Variants in DDX19B observed in about 807,000 individuals in gnomAD.
The protein encoded by DDX19B is ATP-dependent RNA helicase DDX19B.
A neutral mutation model predicts 58.1 loss-of-function variants in DDX19B; 27 were observed. That is an observed-to-expected ratio of 0.46 (90% CI 0.34 to 0.64). DDX19B has a LOEUF of 0.64. DDX19B is among the 30% of genes least tolerant of loss of function. The pLI is 0.01. For synonymous variants in DDX19B, 187 were observed against 214.4 expected (o/e 0.87, Z 1.12); for missense variants, 399 against 596.5 (o/e 0.67, Z 3.45).
At chr16:70,295,115 C>G, upstream of DDX19B, 1 of 1,227,342 alleles carries the variant, frequency 8.1e-7, no homozygotes, top group Non-Finnish European at 1.0e-6. Flanking sequence ...GCTAGGCTCA[C>G]GTGGGAATAA....
chr16:70,309,611 A>G (rs923133754), intron 1 of DDX19B, among the ~76,000 whole-genome samples: 3 of 151,546 alleles, frequency 2.0e-5, no homozygotes, highest in African/African-American at 7.3e-5. Context: ...CGAGGTCGAG[A>G]GTTCGAGACC....
Position 70,334,047 on chromosome 16 carries a change from T to G in DDX19B, c.*465T>G, listed in dbSNP as rs906185595. ...AGGTGTGTAAGCCCAGCCATCATGT[T>G]TGGAATGGCATGAGGCAGCAGAGGA... On this transcript the variant is annotated 3_prime_UTR_variant, in exon 12 of 12. Transcript: ENST00000288071. The G allele has an allele frequency of 1.0e-5, 2 of 194,052 alleles. No homozygotes were observed. Among genetic ancestry groups the G allele is most frequent in the African/African-American group, 4.7e-5 (2 of 42,206 alleles). The allele number at this position is 194,052 out of a possible 1,614,324, so 12.0% of individuals were successfully genotyped here. A position where few individuals can be genotyped will look rare whatever the true frequency, so the allele number is the denominator to read the frequency against.
Position 70,329,272 on chromosome 16 carries a change from A to T in DDX19B, c.608-20A>T. ...AGAAAGAAATACCCACACATGGAAA[A>T]CATCTTGGGGTCTCCACAGTGGAAA... On this transcript the variant is annotated intron_variant, in intron 7 of 11. Coordinates refer to ENST00000288071, the MANE Select transcript of DDX19B (RefSeq NM_007242.7). The T allele has an allele frequency of 6.2e-7, 1 of 1,610,058 alleles. No individual in the cohort carries two copies. The highest frequency in any genetic ancestry group is 1.1e-5 in the South Asian group (1 of 90,972).
upstream of DDX19B, among the ~76,000 whole-genome samples, chr16:70,297,508 CG>C (rs1961271370): frequency 6.6e-6 from 1 of 152,096 alleles, no homozygotes; most frequent in African/African-American, 2.4e-5. Flanking sequence ...CCATTGTGCC[CG>C]GCCTCATGGC....
intron 1 of DDX19B, among the ~76,000 whole-genome samples, chr16:70,302,013 T>C (rs1243090509): frequency 6.6e-6 from 1 of 152,012 alleles, no homozygotes; most frequent in Non-Finnish European, 1.5e-5. Context: ...CTCTGCTTCT[T>C]GAGTTCAAGC....
intron 1 of DDX19B, among the ~76,000 whole-genome samples, chr16:70,306,344 G>A (rs898209276): frequency 1.3e-5 from 2 of 151,924 alleles, no homozygotes; most frequent in Non-Finnish European, 2.9e-5. Flanking sequence ...TAGACATAGG[G>A]TTTCACCATG....
intron 2 of DDX19B, among the ~76,000 whole-genome samples, chr16:70,314,642 C>T (rs1001453023): frequency 7.9e-5 from 12 of 151,466 alleles, no homozygotes; most frequent in African/African-American, 1.5e-4. Context: ...CCAGCCTGGG[C>T]GACAGAGCGA....
At chr16:70,304,563 G>C (rs1961660148) in intron 1 of DDX19B, among the ~76,000 whole-genome samples, 1 of 151,564 alleles carries the variant, frequency 6.6e-6, no homozygotes, top group Admixed American at 6.6e-5. Flanking sequence ...AGTAGAGACA[G>C]GGTTTCACCA....
At chr16:70,311,003 C>G (rs1276266577) in intron 1 of DDX19B, among the ~76,000 whole-genome samples, 1 of 148,486 alleles carries the variant, frequency 6.7e-6, no homozygotes, top group Non-Finnish European at 1.5e-5. Flanking sequence ...TGCACTCCAG[C>G]CTGGGCAACA....
upstream of DDX19B, among the ~76,000 whole-genome samples, chr16:70,291,901 A>G (rs1347402539): frequency 2.0e-5 from 3 of 151,680 alleles, no homozygotes; most frequent in Non-Finnish European, 4.4e-5. Flanking sequence ...TAATCCCAAC[A>G]CTTTGGGAGG....
chr16:70,303,086 T>C (rs1015170441), intron 1 of DDX19B, among the ~76,000 whole-genome samples: 4 of 152,226 alleles, frequency 2.6e-5, no homozygotes, highest in African/African-American at 9.6e-5. Context: ...TGTTTTTGTT[T>C]TTAGTTGGGA....
At chr16:70,292,366 T>C (rs1315414548), upstream of DDX19B, among the ~76,000 whole-genome samples, 2 of 152,154 alleles carry the variant, frequency 1.3e-5, no homozygotes, top group African/African-American at 4.8e-5. Flanking sequence ...AGGCTGGTCT[T>C]GAACTCCCGA....
intron 2 of DDX19B, among the ~76,000 whole-genome samples, chr16:70,313,008 A>C (rs369739557): frequency 8.3e-5 from 12 of 145,072 alleles, no homozygotes; most frequent in African/African-American, 3.1e-4. Context: ...ACGCCCAACT[A>C]ATTTTTATTT....
intron 1 of DDX19B, among the ~76,000 whole-genome samples, chr16:70,301,696 C>CTTT (rs75159803): frequency 2.9e-5 from 4 of 136,656 alleles, no homozygotes; most frequent in African/African-American, 1.1e-4. Context: ...CTCTCTCTCT[C>CTTT]TTTTTTTTTT....
upstream of DDX19B, among the ~76,000 whole-genome samples, chr16:70,297,860 G>A (rs1961284711): frequency 6.6e-6 from 1 of 152,094 alleles, no homozygotes; most frequent in Non-Finnish European, 1.5e-5. Context: ...AGCTGGAACT[G>A]CAGGCATGTG....
At chr16:70,294,977 G>A (rs565583380), upstream of DDX19B, 149 of 1,439,964 alleles carry the variant, frequency 1.0e-4, 1 homozygote, top group Admixed American at 6.2e-4. Flanking sequence ...TGCCTTCCTC[G>A]CCCCTACTCC....
At chr16:70,330,513 G>A (rs1202903244) in intron 9 of DDX19B, among the ~76,000 whole-genome samples, 6 of 152,080 alleles carry the variant, frequency 3.9e-5, no homozygotes, top group South Asian at 2.1e-4. Context: ...GCTTGAACCC[G>A]GGAGGTGGAG....
At chr16:70,317,699 G>C in intron 5 of DDX19B, 111 bp downstream of exon 5, 1 of 862,836 alleles carries the variant, frequency 1.2e-6, no homozygotes, top group Non-Finnish European at 1.7e-6. Context: ...AGCAACCTGA[G>C]AGGCAAGGCA....
At position 70,334,781 on chromosome 16, in the gene DDX19B, T is replaced by C. The variant is rs1164466198; in HGVS notation, c.*1199T>C. On this transcript the variant is annotated 3_prime_UTR_variant, in exon 12 of 12. Coordinates refer to ENST00000288071, the MANE Select transcript of DDX19B (RefSeq NM_007242.7). ...TGCGCAAGATAGTCAGAGCAAACAATAGTAATGGACACTTCTCACACCTGG... is the reference window on the plus strand; with the variant it reads ...TGCGCAAGATAGTCAGAGCAAACAACAGTAATGGACACTTCTCACACCTGG... 6.6e-6 allele frequency: 1 copy of C among 152,164 alleles called. No individual in the cohort carries two copies. The highest frequency in any genetic ancestry group is 1.9e-4 in the East Asian group (1 of 5,192). The allele number at this position is 152,164 out of a possible 1,614,324, so 9.4% of individuals were successfully genotyped here.
Sources: allele counts gnomAD v4.1 joint callset (sites outside exome capture counted in the v4.1 genomes callset), GRCh38; gene constraint gnomAD v4.1.1; transcripts MANE v1.5; gene names NCBI Gene and HGNC (gene_info 2026-07-23, HGNC 2026-07-21).